FBXL13: variants seen among roughly 807,000 people sequenced by gnomAD.
The protein encoded by FBXL13 is F-box and leucine rich repeat protein 13, also known as F-box and leucine-rich repeat protein 13.
Under a neutral mutation model 83.6 loss-of-function variants are expected in FBXL13, and 67 were observed. The ratio of observed to expected loss-of-function variants is 0.80; its 90% CI spans 0.66 to 0.98. The LOEUF is 0.98. Ranked by LOEUF, FBXL13 falls within the 50% of genes least tolerant of loss-of-function variation. The probability of loss-of-function intolerance (pLI) is 0.00; values close to 1 mark genes in which losing one functional copy is unlikely to be tolerated. For synonymous variants in FBXL13, 272 were observed against 299.5 expected, an observed-to-expected ratio of 0.91 and a Z score of 0.95; for missense variants, 822 against 866.5, an observed-to-expected ratio of 0.95 and a Z score of 0.64.
At chr7:102,831,431 A>ACACACACCCCCCCCCC (rs1033135095) in intron 18 of FBXL13, among the ~76,000 whole-genome samples, 1 of 147,122 alleles carries the variant, frequency 6.8e-6, no homozygotes, top group African/African-American at 2.5e-5. Context: ...ACACACACAC[A>ACACACACCCCCCCCCC]CCCCACTACA....
chr7:102,969,500 AAGAG>A (rs1227576026), intron 6 of FBXL13, among the ~76,000 whole-genome samples: 1 of 151,728 alleles, frequency 6.6e-6, no homozygotes, highest in African/African-American at 2.4e-5. Flanking sequence ...AAAAAAAGAA[AAGAG>A]AGAGAGAGAG....
At chr7:102,874,499 A>G in intron 16 of FBXL13, 1 of 309,066 alleles carries the variant, frequency 3.2e-6, no homozygotes, top group South Asian at 1.3e-4. Flanking sequence ...AATTACATAT[A>G]TGCTTCAGAA....
At chr7:103,038,568 A>G (rs1795319879) in intron 2 of FBXL13, among the ~76,000 whole-genome samples, 1 of 152,218 alleles carries the variant, frequency 6.6e-6, no homozygotes, top group Admixed American at 6.5e-5. Context: ...GTAGGGGCTG[A>G]TAGACACCTC....
intron 8 of FBXL13, among the ~76,000 whole-genome samples, chr7:102,950,732 A>C (rs142968147): frequency 6.6e-6 from 1 of 152,230 alleles, no homozygotes; most frequent in Non-Finnish European, 1.5e-5. Flanking sequence ...TTGCACATTA[A>C]TAAGTGAAGG....
intron 1 of FBXL13, among the ~76,000 whole-genome samples, chr7:103,061,203 GT>G (rs1047651249): frequency 1.4e-5 from 2 of 147,514 alleles, no homozygotes; most frequent in Admixed American, 1.4e-4. Flanking sequence ...TTTCTTTTTT[GT>G]TTTTTGTTAG....
chr7:102,946,406 A>G (rs1167106922), intron 8 of FBXL13, among the ~76,000 whole-genome samples: 1 of 152,238 alleles, frequency 6.6e-6, no homozygotes, highest in African/African-American at 2.4e-5. Context: ...AGAGCTGCAC[A>G]GCATTGTAAA....
In FBXL13 at chr7:103,031,988, C is replaced by G. The variant is rs1196341241; in HGVS notation, c.1-2570G>C. Among the ~76,000 whole-genome samples the G allele has an allele frequency of 6.6e-5, 10 of 152,244 alleles. 2 individuals carry two copies. Among genetic ancestry groups the G allele is most frequent in the Admixed American group, 3.9e-4 (6 of 15,296 alleles). Reference sequence around the variant, plus strand: ...TTATGACTAAGAGTATGTCTTATTCCTCATGTACACTGGGGACAGAAGAAT... The same window carrying G: ...TTATGACTAAGAGTATGTCTTATTCGTCATGTACACTGGGGACAGAAGAAT... On this transcript the variant is annotated intron_variant, in intron 2 of 19. Transcript: ENST00000313221.
At chr7:102,812,915 T>C (rs903463473), downstream of FBXL13, among the ~76,000 whole-genome samples, 2 of 150,434 alleles carry the variant, frequency 1.3e-5, no homozygotes, top group African/African-American at 4.9e-5. Flanking sequence ...TGATCTAGGC[T>C]CACTGCAACC....
intron 11 of FBXL13, among the ~76,000 whole-genome samples, chr7:102,887,414 TACACACACAC>T (rs67686614): frequency 6.7e-6 from 1 of 148,602 alleles, no homozygotes; most frequent in South Asian, 2.1e-4. Flanking sequence ...TATACATACA[TACACACACAC>T]ACACACACAC....
At chr7:102,910,549 T>A (rs989146571) in intron 11 of FBXL13, among the ~76,000 whole-genome samples, 1 of 151,996 alleles carries the variant, frequency 6.6e-6, no homozygotes, top group Non-Finnish European at 1.5e-5. Flanking sequence ...AAATAGCCTA[T>A]GCCCTGCTGG....
At chr7:102,958,739 T>G (rs914563262) in intron 8 of FBXL13, among the ~76,000 whole-genome samples, 1 of 151,924 alleles carries the variant, frequency 6.6e-6, no homozygotes, top group Non-Finnish European at 1.5e-5. Flanking sequence ...TTTTCAAAAA[T>G]GTATAACATG....
intron 16 of FBXL13, chr7:102,874,529 A>G (rs1465608421): frequency 4.3e-6 from 1 of 230,634 alleles, no homozygotes; most frequent in Non-Finnish European, 7.1e-6. Context: ...AACAGAGACT[A>G]GAACTCGAGG....
chr7:102,962,407 T>C (rs1357264965), intron 8 of FBXL13, among the ~76,000 whole-genome samples: 2 of 152,136 alleles, frequency 1.3e-5, no homozygotes, highest in East Asian at 3.8e-4. Flanking sequence ...AGTTCAACCA[T>C]TGTGGAAGTC....
At chr7:103,040,581 A>C (rs1319869763) in intron 2 of FBXL13, among the ~76,000 whole-genome samples, 1 of 152,042 alleles carries the variant, frequency 6.6e-6, no homozygotes, top group Admixed American at 6.6e-5. Flanking sequence ...GTAGTAAAAC[A>C]CTCCTCACCA....
intron 14 of FBXL13, among the ~76,000 whole-genome samples, 193 bp from the exon 16 acceptor site, chr7:102,878,643 G>C (rs1809588148): frequency 6.6e-6 from 1 of 152,086 alleles, no homozygotes; most frequent in Non-Finnish European, 1.5e-5. Context: ...TAAATGAGAG[G>C]AATGGGAGAA....
At chr7:102,998,371 T>C (rs1009660748) in intron 6 of FBXL13, among the ~76,000 whole-genome samples, 11 of 152,226 alleles carry the variant, frequency 7.2e-5, no homozygotes, top group Non-Finnish European at 1.3e-4. Flanking sequence ...TTGACTGTTT[T>C]CTAATCCATG....
intron 17 of FBXL13, among the ~76,000 whole-genome samples, chr7:102,851,332 G>T (rs1045377279): frequency 6.6e-6 from 1 of 152,112 alleles, no homozygotes; most frequent in African/African-American, 2.4e-5. Context: ...CAAATTGACA[G>T]AGATAATTTA....
At chr7:103,062,279 T>C (rs1244597454) in intron 1 of FBXL13, among the ~76,000 whole-genome samples, 1 of 152,174 alleles carries the variant, frequency 6.6e-6, no homozygotes, top group Non-Finnish European at 1.5e-5. Flanking sequence ...TGTTTGTCTG[T>C]AAACAATGTA....
At chr7:102,816,850 C>T (rs1463148626) in intron 19 of FBXL13, among the ~76,000 whole-genome samples, 1 of 152,194 alleles carries the variant, frequency 6.6e-6, no homozygotes, top group Admixed American at 6.5e-5. Flanking sequence ...TAAGTGAGAA[C>T]ATGCAGTATT....
Sources: allele counts gnomAD v4.1 joint callset (sites outside exome capture counted in the v4.1 genomes callset), GRCh38; gene constraint gnomAD v4.1.1; transcripts MANE v1.5; gene names NCBI Gene and HGNC (gene_info 2026-07-23, HGNC 2026-07-21).